The following AZIN2 variants were observed in gnomAD, a reference collection of about 807,000 sequenced individuals.
AZIN2 encodes the protein antizyme inhibitor 2.
In AZIN2, 28 loss-of-function variants were observed where a neutral mutation model predicts 47.8. The ratio of observed to expected loss-of-function variants is 0.59; its 90% CI spans 0.43 to 0.80. The LOEUF (loss-of-function observed/expected upper bound fraction) is 0.80. Among genes scored for constraint, AZIN2 ranks in the 30% least tolerant of loss-of-function variants. The pLI is 0.00. For synonymous variants in AZIN2, 221 were observed against 239.4 expected (o/e 0.92, Z 0.71); for missense variants, 535 against 582.5 (o/e 0.92, Z 0.84).
chr1:33,093,166 G>A, intron 6 of AZIN2, 116 bp from the exon 7 acceptor site: 1 of 1,392,772 alleles, frequency 7.2e-7, no homozygotes, highest in South Asian at 1.3e-5. Flanking sequence ...AGGGGTCAGG[G>A]AGCCTGTGGG....
At chr1:33,158,760 C>T in the AZIN2 span, among the ~76,000 whole-genome samples, 1 of 152,138 alleles carries the variant, frequency 6.6e-6, no homozygotes, top group African/African-American at 2.4e-5. Flanking sequence ...GAGACCTAGG[C>T]TTGAATCCTG....
the AZIN2 span, among the ~76,000 whole-genome samples, chr1:33,143,610 G>A: frequency 0.97 from 147,957 of 152,248 alleles, 71,965 homozygotes; most frequent in East Asian, 0.99. Flanking sequence ...AAACCCAGGC[G>A]AGTCAATGAC....
rs879439602 is a variant in AZIN2 at position 33,121,544 on chromosome 1, C to T, written c.*1362C>T. On this transcript the variant is annotated 3_prime_UTR_variant, in exon 12 of 12. Coordinates refer to ENST00000294517, the MANE Select transcript of AZIN2 (RefSeq NM_052998.4). ...AGTGAGCCGAGATTGCACCACTGCA[C>T]TCCAGCCTGGGCGACTGAGCGAGAC... 2.0e-5 allele frequency among the ~76,000 whole-genome samples: 3 copies of T among 152,190 alleles called. No individual in the cohort carries two copies. Among genetic ancestry groups the T allele is most frequent in the Non-Finnish European group, 4.4e-5 (3 of 68,036 alleles).
At chr1:33,119,111 G>C (rs1644698158) in intron 11 of AZIN2, 2 of 152,480 alleles carry the variant, frequency 1.3e-5, no homozygotes, top group Admixed American at 6.5e-5. Flanking sequence ...GGCTAAGGAG[G>C]AATTAGATGA....
chr1:33,093,325 T>C lies in AZIN2; in HGVS notation c.496T>C (p.Cys166Arg). 8 of 1,614,082 alleles carry C rather than the reference T, an allele frequency of 5.0e-6. No individual in the cohort carries two copies. The highest frequency in any genetic ancestry group is 6.8e-6 in the Non-Finnish European group (8 of 1,179,978). Residue 166 changes from cysteine (C) to arginine (R), a missense_variant, in exon 7 of 12, where the codon TGC becomes CGC. By Grantham distance (180) the Cys-to-Arg change is radical. Around this residue, in one of 3 missense-constraint regions of AZIN2, gnomAD observed 409 missense variants for 429.0 expected, o/e 0.95. Coordinates refer to ENST00000294517, the MANE Select transcript of AZIN2 (RefSeq NM_052998.4). ...TACCGATGACTCCCACTCCCTGAGC[T>C]GCCTGAGCCTAAAGTTTGGAGTGTC... Reference protein sequence around the residue: ...IATDDSHSLSCLSLKFGVSLK... With the variant: ...IATDDSHSLSRLSLKFGVSLK...
chr1:33,114,474 C>T (rs1251381031), intron 10 of AZIN2, among the ~76,000 whole-genome samples: 5 of 151,090 alleles, frequency 3.3e-5, no homozygotes, highest in African/African-American at 1.2e-4. Flanking sequence ...CTGCCTCAGC[C>T]TCCCAAGTAG....
downstream of AZIN2, among the ~76,000 whole-genome samples, chr1:33,125,869 T>C (rs1644852922): frequency 6.6e-6 from 1 of 152,126 alleles, no homozygotes; most frequent in Admixed American, 6.5e-5. Context: ...ACTTCCTGAC[T>C]ACCCACTTCA....
rs746470026 is a variant in AZIN2 at position 33,118,037 on chromosome 1, G to A, written c.1165G>A (p.Ala389Thr). 13 of 1,561,634 alleles carry A rather than the reference G, an allele frequency of 8.3e-6. 1 individual carries two copies. Among genetic ancestry groups the A allele is most frequent in the South Asian group, 7.3e-5 (6 of 81,838 alleles). ...CTGGCTGGTCTTTGACAACATGGGC[G>A]CCTACACTGTGGGCATGGGTTCCCC... The part of the protein sequence containing the change: ...GDWLVFDNMG[A>T]YTVGMGSPFW... Residue 389 changes from alanine to threonine, a missense_variant, in exon 11 of 12, where the codon GCC becomes ACC. Physicochemically the swap from Ala to Thr is moderately conservative, Grantham distance 58. This residue lies in a region of AZIN2 where 122 missense variants were observed against 135.8 expected (regional missense o/e 0.90). Transcript: ENST00000294517.
chr1:33,146,786 G>A, the AZIN2 span: 3 of 272,000 alleles, frequency 1.1e-5, no homozygotes, highest in Non-Finnish European at 2.1e-5. Context: ...AGAGGGTGCT[G>A]TGTGTCTTTC....
At chr1:33,148,789 G>T in the AZIN2 span, among the ~76,000 whole-genome samples, 25 of 152,190 alleles carry the variant, frequency 1.6e-4, 1 homozygote, top group African/African-American at 6.0e-4. Context: ...GTAGACAATG[G>T]GTCTGAAAAG....
At chr1:33,104,006 C>T (rs1643882961) in intron 10 of AZIN2, among the ~76,000 whole-genome samples, 1 of 151,920 alleles carries the variant, frequency 6.6e-6, no homozygotes, top group African/African-American at 2.4e-5. Context: ...CCTCAGCTTC[C>T]CGAGTAGCTG....
chr1:33,156,433 G>T, the AZIN2 span, among the ~76,000 whole-genome samples: 21 of 152,286 alleles, frequency 1.4e-4, no homozygotes, highest in African/African-American at 5.1e-4. Context: ...TCCCATGCTT[G>T]GCTCAGCAGC....
the AZIN2 span, chr1:33,158,108 A>C: frequency 1.5e-6 from 1 of 653,746 alleles, no homozygotes; most frequent in Non-Finnish European, 2.7e-6. Flanking sequence ...GCAGGTGCCC[A>C]GGACAGGTCC....
chr1:33,159,908 C>T, the AZIN2 span: 3 of 1,608,462 alleles, frequency 1.9e-6, no homozygotes, highest in African/African-American at 2.7e-5. This position sits in a 1 kb window ranked among gnomAD's most constrained non-coding sequence, Gnocchi z 4.2. Flanking sequence ...CGCTCGAAGG[C>T]CTCGCCGATA....
At chr1:33,147,459 G>A in the AZIN2 span, 5 of 1,613,924 alleles carry the variant, frequency 3.1e-6, no homozygotes, top group Non-Finnish European at 4.2e-6. This position sits in a 1 kb window ranked among gnomAD's most constrained non-coding sequence, Gnocchi z 8.1. Flanking sequence ...AGCCGCGGCT[G>A]GGCTGGATCT....
intron 3 of AZIN2, 51 bp from the exon 4 acceptor site, chr1:33,082,127 G>T (rs1468959426): frequency 2.5e-6 from 2 of 799,394 alleles, no homozygotes; most frequent in African/African-American, 3.4e-5. Flanking sequence ...GGCGAGTGGG[G>T]CAGCAGAGCC....
chr1:33,113,541 T>A lies in AZIN2; in HGVS notation c.1030-4361T>A, dbSNP rs1397260624. ...TATGTATTATGCTTTTTTGTTTCTT[T>A]TTTTCTGATAGCTATTGCTAGCATT... On this transcript the variant is annotated intron_variant, in intron 10 of 11. Transcript: ENST00000294517. The surrounding 1 kb of genome is among the most constrained non-coding windows in gnomAD (Gnocchi z 4.1). Among the ~76,000 whole-genome samples the A allele has an allele frequency of 6.6e-6, 1 of 152,226 alleles. No homozygotes were observed. Among genetic ancestry groups the A allele is most frequent in the Non-Finnish European group, 1.5e-5 (1 of 68,046 alleles).
rs976345395 is a variant in AZIN2 at position 33,121,593 on chromosome 1, T to C, written c.*1411T>C. Among the ~76,000 whole-genome samples the C allele has an allele frequency of 6.6e-6, 1 of 152,092 alleles. No individual in the cohort carries two copies. Among genetic ancestry groups the C allele is most frequent in the African/African-American group, 2.4e-5 (1 of 41,412 alleles). ...ACCCTGCCTCAAATAAAGAAATAAA[T>C]AAATAAAGTGGAGAAGTTAGTGGTT... On this transcript the variant is annotated 3_prime_UTR_variant, in exon 12 of 12. Coordinates refer to ENST00000294517, the MANE Select transcript of AZIN2 (RefSeq NM_052998.4).
At chr1:33,165,932 A>G in the AZIN2 span, 2 of 167,482 alleles carry the variant, frequency 1.2e-5, no homozygotes, top group Non-Finnish European at 2.6e-5. The surrounding 1 kb of genome is among the most constrained non-coding windows in gnomAD (Gnocchi z 4.0). Flanking sequence ...ATTGGTCCAT[A>G]GCTTGTTAGG....
Sources: gnomAD v4.1 joint callset for allele counts (sites outside exome capture counted in the v4.1 genomes callset) on GRCh38, gnomAD v4.1.1 for gene constraint, gnomAD v4.1.1 regional missense constraint, Gnocchi (gnomAD v3.1) non-coding constraint, MANE v1.5 for transcripts, NCBI Gene and HGNC (gene_info 2026-07-23, HGNC 2026-07-21) for gene names.